Variants in NRDC observed in about 807,000 individuals in gnomAD.
NRDC encodes the protein nardilysin.
NRDC carries 54 observed loss-of-function variants against 147.1 expected under a neutral mutation model. That is an observed-to-expected ratio of 0.37 (90% CI 0.29 to 0.46). The LOEUF is 0.46. NRDC is among the 20% of genes least tolerant of loss of function. The pLI is 1.00. For missense variants in NRDC, 1,082 were observed against 1,370.6 expected, an observed-to-expected ratio of 0.79 and a Z score of 3.33; for synonymous variants, 440 against 482.1, an observed-to-expected ratio of 0.91 and a Z score of 1.14.
At chr1:51,814,852 G>T in intron 11 of NRDC, 39 bp from the exon 12 acceptor site, 2 of 1,537,882 alleles carry the variant, frequency 1.3e-6, no homozygotes, top group East Asian at 2.3e-5. Context: ...CAATGTTCCT[G>T]GATTGACAGT....
intron 25 of NRDC, 132 bp downstream of exon 25, chr1:51,792,245 C>CATTT: frequency 1.5e-6 from 2 of 1,320,554 alleles, no homozygotes; most frequent in Non-Finnish European, 2.2e-6. Context: ...TGGGTGAGAA[C>CATTT]AGTAAATGAC....
Position 51,873,913 on chromosome 1 carries a change from G to T in NRDC, c.341+4362C>A, listed in dbSNP as rs539034766. Among the ~76,000 whole-genome samples the T allele has an allele frequency of 9.9e-5, 15 of 151,886 alleles. No homozygotes were observed. In the South Asian group the frequency reaches 3.1e-3, roughly 32 times the overall value. On this transcript the variant is annotated intron_variant, in intron 1 of 30. Transcript: ENST00000352171. ...GAAGTTTATATGCCTTTTCGACAGG[G>T]CGTGGTAGCTCACACCTGTAATCCC...
intron 2 of NRDC, chr1:51,839,992 G>A (rs7520502): frequency 0.53 from 199,331 of 374,454 alleles, 56,559 homozygotes; most frequent in East Asian, 0.94. Context: ...ATATAGCTAT[G>A]GGTGATTTTT....
Position 51,814,704 on chromosome 1 carries a change from G to C in NRDC, c.1549C>G (p.His517Asp), listed in dbSNP as rs1467454688. Residue 517 changes from histidine (H) to aspartate (D), a missense_variant, in exon 12 of 31, where the codon CAT becomes GAT. Around this residue, in one of 3 missense-constraint regions of NRDC, gnomAD observed 635 missense variants for 923.8 expected, o/e 0.69. Transcript: ENST00000352171. ...SITLTDEGYE[H>D]FYEVAYTVFQ... ...TTTGAATTATTTACCTCATAAAAAT[G>C]TTCATAACCCTCATCAGTCAATGTA... The C allele has an allele frequency of 6.2e-7, 1 of 1,608,512 alleles. No homozygotes were observed. Among genetic ancestry groups the C allele is most frequent in the Non-Finnish European group, 8.5e-7 (1 of 1,177,168 alleles).
chr1:51,844,252 T>C (rs902685653), intron 1 of NRDC, among the ~76,000 whole-genome samples: 1 of 152,092 alleles, frequency 6.6e-6, no homozygotes, highest in African/African-American at 2.4e-5. Context: ...AAATCCTATG[T>C]TGAATCCTTA....
At chr1:51,802,796 G>GC (rs1267810847) in intron 20 of NRDC, among the ~76,000 whole-genome samples, 1 of 152,072 alleles carries the variant, frequency 6.6e-6, no homozygotes, top group East Asian at 1.9e-4. Flanking sequence ...GGTCTTTCTG[G>GC]CAGGTCCTTT....
intron 4 of NRDC, among the ~76,000 whole-genome samples, chr1:51,829,133 G>C (rs1355258480): frequency 6.6e-6 from 1 of 151,984 alleles, no homozygotes; most frequent in Non-Finnish European, 1.5e-5. Context: ...GCACATCACG[G>C]CTCACTGGAG....
chr1:51,795,089 A>T, intron 22 of NRDC: 1 of 1,456,954 alleles, frequency 6.9e-7, no homozygotes, highest in Non-Finnish European at 9.1e-7. Flanking sequence ...CTGTTTACCC[A>T]TAATACAGTT....
At chr1:51,821,424 A>G (rs895345052) in intron 8 of NRDC, 74 bp downstream of exon 8, 4 of 991,170 alleles carry the variant, frequency 4.0e-6, no homozygotes, top group Non-Finnish European at 6.1e-6. Context: ...AAAGCAAAAA[A>G]CCTTTGGGAC....
intron 26 of NRDC, 42 bp from the exon 27 acceptor site, chr1:51,791,703 T>C: frequency 6.7e-7 from 1 of 1,496,736 alleles, no homozygotes; most frequent in East Asian, 2.3e-5. Flanking sequence ...CAGGTGATCA[T>C]CTGGGCCCTG....
At chr1:51,840,185 AAAG>A in intron 2 of NRDC, 38 bp downstream of exon 2, 1 of 1,533,012 alleles carries the variant, frequency 6.5e-7, no homozygotes. Flanking sequence ...GAAGTTACCC[AAAG>A]AATTCCCAAA....
intron 1 of NRDC, among the ~76,000 whole-genome samples, chr1:51,861,511 A>T (rs573722428): frequency 4.9e-4 from 74 of 149,528 alleles, no homozygotes; most frequent in African/African-American, 9.6e-4. Flanking sequence ...TATTATTATT[A>T]TTTTTTTTTA....
intron 4 of NRDC, among the ~76,000 whole-genome samples, chr1:51,828,863 T>C (rs1680575183): frequency 6.6e-6 from 1 of 152,008 alleles, no homozygotes; most frequent in South Asian, 2.1e-4. Flanking sequence ...AGACTAGAGG[T>C]GTGCACTACC....
At chr1:51,859,279 T>C (rs1682413445) in intron 1 of NRDC, among the ~76,000 whole-genome samples, 1 of 152,250 alleles carries the variant, frequency 6.6e-6, no homozygotes, top group East Asian at 1.9e-4. Flanking sequence ...GTGTTACTTG[T>C]ATGTAATATT....
chr1:51,830,558 T>C (rs1233117240), intron 4 of NRDC, among the ~76,000 whole-genome samples: 3 of 152,122 alleles, frequency 2.0e-5, no homozygotes, highest in Admixed American at 2.0e-4. Context: ...AGACTTGGGG[T>C]TCCCCAGAAT....
At chr1:51,822,909 G>A (rs1680270489) in intron 7 of NRDC, among the ~76,000 whole-genome samples, 1 of 152,064 alleles carries the variant, frequency 6.6e-6, no homozygotes, top group African/African-American at 2.4e-5. Flanking sequence ...AATGTAAAAA[G>A]CAAAACTTTA....
Position 51,878,297 on chromosome 1 carries a change from G to A in NRDC, c.319C>T (p.Pro107Ser). ...CACCGGTATTGCTTGGGGTCGCTGG[G>A]AGACTTGACGATCTCAGGGTCCCCA... ...NAGDPEIVKSPSDPKQYRYIK... is the reference protein window; with the variant it reads ...NAGDPEIVKSSSDPKQYRYIK... Residue 107 changes from proline (P) to serine (S), a missense_variant, in exon 1 of 31, where the codon CCC becomes TCC. Pro to Ser is a moderately conservative substitution (Grantham distance 74). This residue lies in a region of NRDC where 260 missense variants were observed against 253.2 expected (regional missense o/e 1.03). Transcript: ENST00000352171. The A allele has an allele frequency of 6.2e-7, 1 of 1,613,408 alleles. No individual in the cohort carries two copies. The highest frequency in any genetic ancestry group is 8.5e-7 in the Non-Finnish European group (1 of 1,179,520).
intron 10 of NRDC, 90 bp from the exon 11 acceptor site, chr1:51,816,479 T>C (rs146806742): frequency 1.7e-6 from 1 of 590,008 alleles, no homozygotes; most frequent in African/African-American, 1.9e-5. Flanking sequence ...TAATTGAAAA[T>C]ATAATCACAA....
Position 51,840,308 on chromosome 1 carries a change from T to C in NRDC, c.548A>G (p.Asp183Gly). 1 of 1,565,534 alleles carries C rather than the reference T, an allele frequency of 6.4e-7. No homozygotes were observed. Among genetic ancestry groups the C allele is most frequent in the Non-Finnish European group, 8.8e-7 (1 of 1,135,926 alleles). Reference protein sequence around the residue: ...DDEDEFDDEHDDDLDTEDNEL... With the variant: ...DDEDEFDDEHGDDLDTEDNEL... ...ATTATCCTCAGTATCAAGATCATCA[T>C]CATGTTCATCATCAAACTCATCTTC... is the stretch of plus-strand genomic sequence containing the variant. The change falls in exon 2 of 31, where the codon GAT (aspartate) becomes GGT (glycine). Residue 183 changes from aspartate (D) to glycine (G), a missense_variant. This residue lies in a region of NRDC where 260 missense variants were observed against 253.2 expected (regional missense o/e 1.03). Coordinates refer to ENST00000352171, the MANE Select transcript of NRDC (RefSeq NM_001101662.2).
Sources: allele counts gnomAD v4.1 joint callset (sites outside exome capture counted in the v4.1 genomes callset), GRCh38; gene constraint gnomAD v4.1.1; regional missense constraint gnomAD v4.1.1; transcripts MANE v1.5; gene names NCBI Gene and HGNC (gene_info 2026-07-23, HGNC 2026-07-21).